The following TEX15 variants were observed in gnomAD, a reference collection of about 807,000 sequenced individuals.
TEX15 encodes the protein testis expressed 15, meiosis and synapsis associated.
Under a neutral mutation model 237.3 loss-of-function variants are expected in TEX15, and 171 were observed. The ratio of observed to expected loss-of-function variants is 0.72; its 90% confidence interval spans 0.64 to 0.82. The LOEUF (loss-of-function observed/expected upper bound fraction) is 0.82. Ranked by LOEUF, TEX15 falls within the 40% of genes least tolerant of loss-of-function variation. TEX15 has a pLI of 0.00. For synonymous variants in TEX15, 1,338 were observed against 1,269.8 expected (o/e 1.05, Z -1.14); for missense variants, 3,750 against 3,646.5 (o/e 1.03, Z -0.73).
intron 8 of TEX15, among the ~76,000 whole-genome samples, chr8:30,841,007 C>T (rs1487882008): frequency 6.6e-6 from 1 of 152,126 alleles, no homozygotes; most frequent in Non-Finnish European, 1.5e-5. Flanking sequence ...CAACCTCCGC[C>T]CCTGTGCTCA....
Position 30,851,139 on chromosome 8 carries a change from TATAAATACCCA to T in TEX15, c.851-1834_851-1824del, listed in dbSNP as rs534831364. On this transcript the variant is annotated intron_variant, in intron 7 of 10. Coordinates refer to ENST00000643185, the MANE Select transcript of TEX15 (RefSeq NM_001350162.2). ...CTCATTTACTACTCTGATAAACTTG[TATAAATACCCA>T]AAGTTCTATGGACAAGGATCTTCAG... Among the ~76,000 whole-genome samples the T allele has an allele frequency of 4.7e-3, 723 of 152,340 alleles. 7 individuals are homozygous for T. The highest frequency in any genetic ancestry group is 0.016 in the African/African-American group (681 of 41,582).
intron 8 of TEX15, 73 bp downstream of exon 8, chr8:30,841,931 T>A: frequency 9.4e-7 from 1 of 1,067,852 alleles, no homozygotes; most frequent in Non-Finnish European, 1.3e-6. Flanking sequence ...TTCTGCAAAC[T>A]ACTTGTTTGC....
chr8:30,875,554 G>A (rs1254734185), intron 3 of TEX15, among the ~76,000 whole-genome samples: 1 of 152,202 alleles, frequency 6.6e-6, no homozygotes, highest in Non-Finnish European at 1.5e-5. Flanking sequence ...TGATACAGTG[G>A]CATGTGAAAG....
intron 10 of TEX15, among the ~76,000 whole-genome samples, chr8:30,836,490 G>A (rs569463356): frequency 6.6e-6 from 1 of 152,136 alleles, no homozygotes; most frequent in East Asian, 1.9e-4. Flanking sequence ...GGGATTACAG[G>A]TGTGAGCCAC....
intron 7 of TEX15, among the ~76,000 whole-genome samples, chr8:30,850,395 C>T (rs774978011): frequency 1.3e-5 from 2 of 151,880 alleles, no homozygotes; most frequent in African/African-American, 2.4e-5. Context: ...TAAGTAACAC[C>T]CTAAAAATAC....
rs1320983134 is a variant in TEX15, at chr8:30,833,274, A to G, written c.*12T>C. ...CTTGTTATGTCTTATTTCAATAGAC[A>G]GAAGACTATTTTCAGTGTCCTGGAT... On this transcript the variant is annotated 3_prime_UTR_variant, in exon 11 of 11. Coordinates refer to ENST00000643185, the MANE Select transcript of TEX15 (RefSeq NM_001350162.2). The G allele has an allele frequency of 1.3e-6, 2 of 1,574,472 alleles. No individual in the cohort carries two copies. The highest frequency in any genetic ancestry group is 1.2e-5 in the South Asian group (1 of 84,424).
chr8:30,911,895 G>C (rs1343100399), intron 1 of TEX15, among the ~76,000 whole-genome samples: 1 of 152,156 alleles, frequency 6.6e-6, no homozygotes, highest in Non-Finnish European at 1.5e-5. Context: ...ACTGAGGCAG[G>C]AGTCTCTTCC....
intron 1 of TEX15, among the ~76,000 whole-genome samples, chr8:30,906,854 G>A (rs1443999170): frequency 6.6e-6 from 1 of 152,062 alleles, no homozygotes; most frequent in Non-Finnish European, 1.5e-5. Flanking sequence ...AAAGACACTA[G>A]GTTTAATTGA....
In TEX15 at chr8:30,845,386, T is replaced by C. The variant is rs141916117; in HGVS notation, c.4781A>G (p.Asn1594Ser). Residue 1594 changes from asparagine (N) to serine (S), a missense_variant, in exon 8 of 11, where the codon AAT becomes AGT. Asn to Ser is a conservative substitution (Grantham distance 46, BLOSUM62 1). Coordinates refer to ENST00000643185, the MANE Select transcript of TEX15 (RefSeq NM_001350162.2). The part of the protein sequence containing the change: ...KYEKLEKHSA[N>S]HNVKDATKEN... ...TTTAGTTGCATCTTTAACATTATGA[T>C]TTGCTGAATGTTTTTCAAGCTTTTC... 6.2e-7 allele frequency: 1 copy of C among 1,611,320 alleles called. No homozygotes were observed. Among genetic ancestry groups the C allele is most frequent in the Admixed American group, 1.7e-5 (1 of 59,740 alleles).
At chr8:30,860,119 C>G (rs551362757) in intron 5 of TEX15, 62 bp from the exon 6 acceptor site, 52 of 1,306,734 alleles carry the variant, frequency 4.0e-5, no homozygotes, top group Non-Finnish European at 5.0e-5. Flanking sequence ...TCTAAACTGT[C>G]ACATTTCAAA....
intron 6 of TEX15, among the ~76,000 whole-genome samples, chr8:30,859,204 G>A (rs1192832249): frequency 6.6e-6 from 1 of 151,794 alleles, no homozygotes. Flanking sequence ...CTTTCATTGG[G>A]AAGATTTATC....
chr8:30,887,958 T>G (rs1808699024), intron 2 of TEX15, among the ~76,000 whole-genome samples: 1 of 146,998 alleles, frequency 6.8e-6, no homozygotes, highest in Non-Finnish European at 1.5e-5. Flanking sequence ...CATTTTTTCC[T>G]CGTAATTCAT....
At chr8:30,836,521 C>T (rs987650444) in intron 10 of TEX15, among the ~76,000 whole-genome samples, 2 of 151,968 alleles carry the variant, frequency 1.3e-5, no homozygotes, top group African/African-American at 2.4e-5. Flanking sequence ...CCCACTGTAT[C>T]GATTAACTAT....
At position 30,848,064 on chromosome 8, in the gene TEX15, C is replaced by T; in HGVS notation, c.2103G>A (p.Lys701=). ...CCAATGCTAGATGATCTAGTTCATC[C>T]TTATCCTTTATGGTAGATGTAGAAG... ...TKSSTSTIKD[K]DELDHLALEW... is the part of the protein sequence containing the mutation. Residue 701 remains lysine (K), a synonymous_variant, in exon 8 of 11, where the codon AAG becomes AAA. Coordinates refer to ENST00000643185, the MANE Select transcript of TEX15 (RefSeq NM_001350162.2). 1.2e-6 allele frequency: 2 copies of T among 1,613,550 alleles called. No individual in the cohort carries two copies. Among genetic ancestry groups the T allele is most frequent in the African/African-American group, 1.3e-5 (1 of 75,038 alleles).
chr8:30,896,143 G>A (rs998374980), intron 2 of TEX15, among the ~76,000 whole-genome samples: 1 of 152,042 alleles, frequency 6.6e-6, no homozygotes, highest in South Asian at 2.1e-4. Flanking sequence ...ATGACGACCC[G>A]TAAAGTTTTT....
At position 30,860,206 on chromosome 8, in the gene TEX15, G is replaced by A. The variant is rs183965014; in HGVS notation, c.541-149C>T. 861 of 612,062 alleles carry A rather than the reference G, an allele frequency of 1.4e-3. 1 individual carries two copies. Among genetic ancestry groups the A allele is most frequent in the Admixed American group, 2.2e-3 (56 of 25,008 alleles). The allele number at this position is 612,062 out of a possible 1,614,324, so 37.9% of individuals were successfully genotyped here. ...CAGTCCAGGCTGGAGTTGCAGGCTC[G>A]ACCTCTCAGGCTGAAGCGATCCTCC... On this transcript the variant is annotated intron_variant, in intron 5 of 10. Coordinates refer to ENST00000643185, the MANE Select transcript of TEX15 (RefSeq NM_001350162.2).
chr8:30,869,276 C>T (rs1808240324), intron 4 of TEX15, among the ~76,000 whole-genome samples: 1 of 151,804 alleles, frequency 6.6e-6, no homozygotes, highest in African/African-American at 2.4e-5. Context: ...GTAAAACGAG[C>T]CTAAAGACTC....
chr8:30,875,194 C>G (rs1446577470), intron 3 of TEX15, 92 bp from the exon 4 acceptor site: 2 of 852,922 alleles, frequency 2.3e-6, no homozygotes, highest in Non-Finnish European at 3.1e-6. Context: ...CACAAAATAA[C>G]TAAGTACTGG....
At chr8:30,869,550 G>A (rs1808246349) in intron 4 of TEX15, among the ~76,000 whole-genome samples, 1 of 151,834 alleles carries the variant, frequency 6.6e-6, no homozygotes, top group Non-Finnish European at 1.5e-5. Context: ...TTTGCACATG[G>A]GACCCATGAG....
Sources: allele counts gnomAD v4.1 joint callset (sites outside exome capture counted in the v4.1 genomes callset), GRCh38; gene constraint gnomAD v4.1.1; transcripts MANE v1.5; gene names NCBI Gene and HGNC (gene_info 2026-07-23, HGNC 2026-07-21).